The following FSD1L variants were observed in gnomAD, a reference collection of about 807,000 sequenced individuals.
The protein encoded by FSD1L is FSD1-like protein.
A neutral mutation model predicts 71.6 loss-of-function variants in FSD1L; 45 were observed. The ratio of observed to expected loss-of-function variants is 0.63; its 90% CI spans 0.49 to 0.81. The LOEUF is 0.81. Among genes scored for constraint, FSD1L ranks in the 30% least tolerant of loss-of-function variants. The probability of loss-of-function intolerance (pLI) is 0.00; values close to 1 mark genes in which losing one functional copy is unlikely to be tolerated. For missense variants in FSD1L, 561 were observed against 618.1 expected (o/e 0.91, Z 0.98); for synonymous variants, 197 against 207.2 (o/e 0.95, Z 0.42).
At chr9:105,495,430 A>G (rs1833306129) in intron 7 of FSD1L, among the ~76,000 whole-genome samples, 2 of 151,876 alleles carry the variant, frequency 1.3e-5, no homozygotes, top group African/African-American at 2.4e-5. Flanking sequence ...AGGATAGGGA[A>G]CTCCCTGACC....
At chr9:105,530,441 C>G in intron 10 of FSD1L, 1 of 513,732 alleles carries the variant, frequency 1.9e-6, no homozygotes, top group Non-Finnish European at 3.4e-6. Flanking sequence ...ATTAAACTGC[C>G]AATGTCAATA....
intron 1 of FSD1L, among the ~76,000 whole-genome samples, chr9:105,449,217 A>T (rs1434083972): frequency 5.3e-5 from 8 of 152,220 alleles, no homozygotes; most frequent in Admixed American, 5.2e-4. Flanking sequence ...CTTCTTGAGG[A>T]TCACTTCACT....
chr9:105,510,488 T>C (rs1427737354), intron 9 of FSD1L, among the ~76,000 whole-genome samples: 1 of 152,178 alleles, frequency 6.6e-6, no homozygotes, highest in Non-Finnish European at 1.5e-5. Flanking sequence ...GCAGCCTTTT[T>C]CAACCAACCA....
rs572066356 is a variant in FSD1L at position 105,507,137 on chromosome 9, T to G, written c.796+529T>G. Among the ~76,000 whole-genome samples, 6 of 152,314 alleles carry G rather than the reference T, an allele frequency of 3.9e-5. 1 individual carries two copies. In the South Asian group the frequency reaches 1.2e-3, roughly 32 times the overall value. ...TTCTGACTCTTAAAAAGCTGTTGGTTTTTTAGATGTTCTCATTACCCATTT... is the reference window on the plus strand; with the variant it reads ...TTCTGACTCTTAAAAAGCTGTTGGTGTTTTAGATGTTCTCATTACCCATTT... On this transcript the variant is annotated intron_variant, in intron 8 of 13. Transcript: ENST00000481272.
chr9:105,507,988 T>A (rs981653948), intron 8 of FSD1L, among the ~76,000 whole-genome samples: 1 of 149,894 alleles, frequency 6.7e-6, no homozygotes, highest in Admixed American at 6.7e-5. Context: ...GCCTCCCAGG[T>A]CCAAGTGATT....
intron 1 of FSD1L, among the ~76,000 whole-genome samples, chr9:105,457,878 G>A (rs755218658): frequency 1.3e-5 from 2 of 152,244 alleles, no homozygotes; most frequent in African/African-American, 2.4e-5. Flanking sequence ...CTGGCTCCAT[G>A]CGAGGCTGCA....
chr9:105,450,534 C>CTTTTTTTTTTTTTTTTTTTT (rs35115121), intron 1 of FSD1L, among the ~76,000 whole-genome samples: 21 of 137,926 alleles, frequency 1.5e-4, no homozygotes, highest in African/African-American at 5.6e-4. Flanking sequence ...GGATTGTGTT[C>CTTTTTTTTTTTTTTTTTTTT]TTTTTTTTTT....
rs143428675 is a variant in FSD1L at position 105,515,252 on chromosome 9, C to T, written c.1025+2316C>T. ...GGCACATGCGCGTCACTAGATGGCA[C>T]GGCTGTCTTCTTTCCAGGAGAATTT... On this transcript the variant is annotated intron_variant, in intron 10 of 13. Transcript: ENST00000481272. 2.0e-3 allele frequency among the ~76,000 whole-genome samples: 303 copies of T among 152,266 alleles called. 3 individuals are homozygous for T. The highest frequency in any genetic ancestry group is 6.9e-3 in the African/African-American group (285 of 41,550).
intron 7 of FSD1L, among the ~76,000 whole-genome samples, chr9:105,500,155 G>T (rs1833678663): frequency 6.6e-6 from 1 of 152,034 alleles, no homozygotes; most frequent in South Asian, 2.1e-4. Flanking sequence ...TTTAATTATT[G>T]GTCTGATAAT....
upstream of FSD1L, among the ~76,000 whole-genome samples, chr9:105,443,018 C>T (rs1166216490): frequency 6.6e-6 from 1 of 152,186 alleles, no homozygotes. Context: ...TCCTTTCAGG[C>T]TAAATACTCA....
chr9:105,443,685 A>C (rs1370607799), upstream of FSD1L, among the ~76,000 whole-genome samples: 3 of 152,144 alleles, frequency 2.0e-5, no homozygotes, highest in Non-Finnish European at 2.9e-5. Flanking sequence ...TATTCCCAGC[A>C]CTTTGGGAGG....
At chr9:105,488,583 G>A (rs2131730280) in intron 7 of FSD1L, among the ~76,000 whole-genome samples, 2 of 152,224 alleles carry the variant, frequency 1.3e-5, no homozygotes, top group African/African-American at 4.8e-5. Context: ...TTTTATAGAA[G>A]ACTACCAAAC....
At chr9:105,491,732 C>A (rs964067938) in intron 7 of FSD1L, among the ~76,000 whole-genome samples, 1 of 151,950 alleles carries the variant, frequency 6.6e-6, no homozygotes, top group Non-Finnish European at 1.5e-5. Context: ...TTGTCAAAGG[C>A]CTTTTCTGCA....
intron 10 of FSD1L, chr9:105,526,153 C>T: frequency 6.4e-7 from 1 of 1,574,630 alleles, no homozygotes; most frequent in South Asian, 1.1e-5. Context: ...AAAGGTTCTA[C>T]CCATTATGGT....
At chr9:105,510,219 G>T (rs796148525) in intron 9 of FSD1L, among the ~76,000 whole-genome samples, 11 of 152,246 alleles carry the variant, frequency 7.2e-5, no homozygotes, top group African/African-American at 2.6e-4. Context: ...GGCCTTTTCA[G>T]CACTTCTTCA....
chr9:105,462,520 ATTTT>A (rs773853934), intron 2 of FSD1L, among the ~76,000 whole-genome samples: 17 of 104,254 alleles, frequency 1.6e-4, no homozygotes, highest in African/African-American at 5.1e-4. Flanking sequence ...TGTGACTGAC[ATTTT>A]TTTTTTTTTT....
At chr9:105,545,657 C>T (rs932484832) in intron 13 of FSD1L, among the ~76,000 whole-genome samples, 3 of 152,014 alleles carry the variant, frequency 2.0e-5, no homozygotes, top group African/African-American at 7.3e-5. Flanking sequence ...TTGGTAAAGG[C>T]CTTTTCTGCA....
chr9:105,466,411 C>A (rs1324300771), intron 3 of FSD1L, among the ~76,000 whole-genome samples: 1 of 151,990 alleles, frequency 6.6e-6, no homozygotes, highest in Non-Finnish European at 1.5e-5. Context: ...ACAAAAGAAC[C>A]AGAATAACCA....
upstream of FSD1L, among the ~76,000 whole-genome samples, chr9:105,443,425 G>C (rs1437746525): frequency 6.6e-6 from 1 of 152,134 alleles, no homozygotes; most frequent in Non-Finnish European, 1.5e-5. Context: ...CTGCCCCCAT[G>C]ATTCAATTAC....
Sources: allele counts gnomAD v4.1 joint callset (sites outside exome capture counted in the v4.1 genomes callset), GRCh38; gene constraint gnomAD v4.1.1; transcripts MANE v1.5; gene names NCBI Gene and HGNC (gene_info 2026-07-23, HGNC 2026-07-21).